Variants in BACH2 observed in about 807,000 individuals in gnomAD.
The protein encoded by BACH2 is transcription regulator protein BACH2.
In BACH2, 5 loss-of-function variants were observed where a neutral mutation model predicts 61.8. That is an observed-to-expected ratio of 0.08 (90% CI 0.04 to 0.17). The LOEUF is 0.17. Ranked by LOEUF, BACH2 falls within the 10% of genes least tolerant of loss-of-function variation. The pLI, the probability that BACH2 is intolerant of heterozygous loss-of-function variation, is 1.00. For missense variants in BACH2, 824 were observed against 1,091.1 expected (o/e 0.76, Z 3.45); for synonymous variants, 446 against 440.1 (o/e 1.01, Z -0.17).
At chr6:90,240,435 C>A (rs1282729328) in intron 3 of BACH2, among the ~76,000 whole-genome samples, 1 of 152,094 alleles carries the variant, frequency 6.6e-6, no homozygotes, top group Non-Finnish European at 1.5e-5. Flanking sequence ...CTTGAAAATA[C>A]TTTGCTTTGG....
intron 4 of BACH2, among the ~76,000 whole-genome samples, chr6:90,142,047 C>T (rs1784478273): frequency 6.6e-6 from 1 of 152,178 alleles, no homozygotes; most frequent in Non-Finnish European, 1.5e-5. Flanking sequence ...CACCACTGCA[C>T]TTCATCCTGG....
rs557070710 is a variant in BACH2, at chr6:89,926,562, C to A, written c.*5846G>T. 42 of 152,852 alleles carry A rather than the reference C, an allele frequency of 2.7e-4. No homozygotes were observed. The highest frequency in any genetic ancestry group is 9.9e-4 in the African/African-American group (41 of 41,574). The allele number at this position is 152,852 out of a possible 1,614,324, so 9.5% of individuals were successfully genotyped here. On this transcript the variant is annotated 3_prime_UTR_variant, in exon 9 of 9. Transcript: ENST00000257749. ...AATGCATAATGATATGTCTTTATTT[C>A]ATCAACAGAAATGGTGTCTAGACAA...
At chr6:89,983,406 TGCCTGTAATTACA>T in intron 6 of BACH2, among the ~76,000 whole-genome samples, 1 of 152,326 alleles carries the variant, frequency 6.6e-6, no homozygotes, top group East Asian at 1.9e-4. Flanking sequence ...TGGTGGCTCA[TGCCTGTAATTACA>T]GCACTCTGGG....
chr6:90,227,851 T>C (rs1011868903), intron 3 of BACH2, among the ~76,000 whole-genome samples: 2 of 152,112 alleles, frequency 1.3e-5, no homozygotes, highest in Non-Finnish European at 2.9e-5. Context: ...TTAAATCTCA[T>C]GCAATAGCTA....
intron 3 of BACH2, among the ~76,000 whole-genome samples, chr6:90,237,161 G>A (rs1379957770): frequency 3.3e-5 from 5 of 152,152 alleles, no homozygotes; most frequent in Admixed American, 6.5e-5. Context: ...CTGACCTCAC[G>A]ATCCATCCAC....
At chr6:90,241,638 G>A (rs1247853891) in intron 3 of BACH2, among the ~76,000 whole-genome samples, 1 of 152,210 alleles carries the variant, frequency 6.6e-6, no homozygotes, top group Non-Finnish European at 1.5e-5. Context: ...GCTAGGGTAG[G>A]TGGAAAAGAG....
At chr6:90,010,215 C>G (rs765851294) in intron 5 of BACH2, among the ~76,000 whole-genome samples, 12 of 152,130 alleles carry the variant, frequency 7.9e-5, no homozygotes, top group Non-Finnish European at 1.5e-4. Flanking sequence ...TCCATCATCA[C>G]CAAAAGTCTC....
intron 3 of BACH2, among the ~76,000 whole-genome samples, chr6:90,216,895 C>T (rs1297176406): frequency 6.6e-6 from 1 of 151,980 alleles, no homozygotes; most frequent in Non-Finnish European, 1.5e-5. Context: ...AGGACACACC[C>T]CATAATAAAG....
intron 5 of BACH2, among the ~76,000 whole-genome samples, chr6:90,019,310 C>T (rs1395228927): frequency 1.3e-5 from 2 of 151,728 alleles, no homozygotes; most frequent in African/African-American, 4.8e-5. Flanking sequence ...TTGAAAGAAA[C>T]AAAGCCATAA....
At chr6:90,203,391 C>CAAAAAAAAAAAAAAAA (rs34539345) in intron 4 of BACH2, among the ~76,000 whole-genome samples, 1 of 59,786 alleles carries the variant, frequency 1.7e-5, no homozygotes, top group Non-Finnish European at 2.9e-5. Flanking sequence ...TCTCTCTCTC[C>CAAAAAAAAAAAAAAAA]AAAAAAAAAA....
intron 5 of BACH2, among the ~76,000 whole-genome samples, chr6:90,011,069 GAA>G (rs1777677772): frequency 6.6e-6 from 1 of 152,134 alleles, no homozygotes; most frequent in Non-Finnish European, 1.5e-5. Context: ...TCAAGGAACA[GAA>G]AGTCTTTATT....
chr6:90,180,860 T>TACACACACACAC (rs111933173), intron 4 of BACH2, among the ~76,000 whole-genome samples: 266 of 147,272 alleles, frequency 1.8e-3, no homozygotes, highest in Middle Eastern at 7.0e-3. Flanking sequence ...TTATGTGTAT[T>TACACACACACAC]ACACACACAC....
intron 7 of BACH2, among the ~76,000 whole-genome samples, chr6:89,941,746 T>C (rs527426729): frequency 6.6e-6 from 1 of 152,306 alleles, no homozygotes; most frequent in South Asian, 2.1e-4. Context: ...GTTTTCCCTC[T>C]GATGACAACA....
At chr6:90,102,693 G>A (rs1014418796) in intron 4 of BACH2, among the ~76,000 whole-genome samples, 11 of 151,602 alleles carry the variant, frequency 7.3e-5, no homozygotes, top group African/African-American at 2.7e-4. Flanking sequence ...GGGAGGACGA[G>A]GCAGGAGAAT....
chr6:90,251,409 A>C (rs1331008120), intron 3 of BACH2, among the ~76,000 whole-genome samples: 1 of 152,192 alleles, frequency 6.6e-6, no homozygotes, highest in Non-Finnish European at 1.5e-5. Flanking sequence ...TGAAACTGTA[A>C]ATATTTTTAG....
intron 6 of BACH2, among the ~76,000 whole-genome samples, chr6:89,986,841 G>C (rs77811816): frequency 0.023 from 3,558 of 152,290 alleles, 230 homozygotes; most frequent in Admixed American, 0.14. Flanking sequence ...TTACAGCTCA[G>C]AGAATGCAGC....
At chr6:89,970,563 T>C (rs1206644983) in intron 6 of BACH2, among the ~76,000 whole-genome samples, 1 of 152,326 alleles carries the variant, frequency 6.6e-6, no homozygotes, top group African/African-American at 2.4e-5. Context: ...ATAATGTTTG[T>C]GTGTATGTGT....
chr6:90,165,422 G>A (rs1474794461), intron 4 of BACH2, among the ~76,000 whole-genome samples: 2 of 152,070 alleles, frequency 1.3e-5, no homozygotes, highest in East Asian at 3.8e-4. Flanking sequence ...ACAAACAAAT[G>A]GAAGAACATT....
At chr6:89,949,150 A>T (rs1584516801) in intron 7 of BACH2, among the ~76,000 whole-genome samples, 1 of 152,280 alleles carries the variant, frequency 6.6e-6, no homozygotes, top group African/African-American at 2.4e-5. Context: ...CTGGGTTAAC[A>T]TCTCTGCCTT....
Sources: gnomAD v4.1 joint callset for allele counts (sites outside exome capture counted in the v4.1 genomes callset) on GRCh38, gnomAD v4.1.1 for gene constraint, MANE v1.5 for transcripts, NCBI Gene and HGNC (gene_info 2026-07-23, HGNC 2026-07-21) for gene names.